PRELID2: variants seen among roughly 807,000 people sequenced by gnomAD.
The protein encoded by PRELID2 is PRELI domain containing 2.
A neutral mutation model predicts 28.4 loss-of-function variants in PRELID2; 25 were observed. The ratio of observed to expected loss-of-function variants is 0.88; its 90% CI spans 0.64 to 1.23. The LOEUF is 1.23. Ranked by LOEUF, PRELID2 falls within the 50% of genes most tolerant of loss-of-function variation. The pLI is 0.00. For missense variants in PRELID2, 201 were observed against 214.4 expected, an observed-to-expected ratio of 0.94 and a Z score of 0.39; for synonymous variants, 76 against 71.6, an observed-to-expected ratio of 1.06 and a Z score of -0.31.
chr5:145,337,258 G>T, the PRELID2 span, among the ~76,000 whole-genome samples: 1 of 151,718 alleles, frequency 6.6e-6, no homozygotes, highest in South Asian at 2.1e-4. Flanking sequence ...CAATAGAAAA[G>T]ATCATCAAAA....
In PRELID2 at chr5:145,580,284, A is replaced by G. The variant is rs560612294; in HGVS notation, n.71-106969T>C. Reference sequence around the variant, plus strand: ...ATAAAATGTTGTCAGAAGGAGAGTTATATGGTAAACAGAAGCCACCCCCTA... The same window carrying G: ...ATAAAATGTTGTCAGAAGGAGAGTTGTATGGTAAACAGAAGCCACCCCCTA... On this transcript the variant is annotated intron_variant and non_coding_transcript_variant, in intron 1 of 2. Coordinates refer to the PRELID2 transcript ENST00000510259. 1.7e-4 allele frequency among the ~76,000 whole-genome samples: 26 copies of G among 152,200 alleles called. 1 individual carries two copies. The South Asian group carries it at 5.2e-3, about 30-fold the overall frequency.
chr5:145,694,882 G>A lies in PRELID2; in HGVS notation n.70+70049C>T, dbSNP rs113726755. On this transcript the variant is annotated intron_variant and non_coding_transcript_variant, in intron 1 of 2. Coordinates refer to the PRELID2 transcript ENST00000510259. ...GAAGAGCCAGCTACAATGTTTAAAG[G>A]GTAGTCATGCTAAGCCTCAGTGAGT... 8.1e-3 allele frequency among the ~76,000 whole-genome samples: 1,233 copies of A among 152,006 alleles called. 14 individuals are homozygous for A. Among genetic ancestry groups the A allele is most frequent in the African/African-American group, 0.028 (1,170 of 41,462 alleles).
At chr5:145,623,704 G>T (rs1165471979) in intron 1 of PRELID2, among the ~76,000 whole-genome samples, 1 of 152,108 alleles carries the variant, frequency 6.6e-6, no homozygotes, top group East Asian at 1.9e-4. Context: ...GGAAAGCAAA[G>T]GTTATTCAGT....
intron 1 of PRELID2, among the ~76,000 whole-genome samples, chr5:145,480,873 C>A (rs1752152583): frequency 6.6e-6 from 1 of 152,140 alleles, no homozygotes; most frequent in Non-Finnish European, 1.5e-5. Context: ...TAAATGTCAA[C>A]TATATTATTT....
chr5:145,753,913 G>A (rs1428126733), downstream of PRELID2, among the ~76,000 whole-genome samples: 1 of 151,952 alleles, frequency 6.6e-6, no homozygotes, highest in East Asian at 1.9e-4. Flanking sequence ...CCATTCTTAG[G>A]ACTCTCCCTT....
Position 145,628,782 on chromosome 5 carries a change from A to G in PRELID2, n.70+136149T>C, listed in dbSNP as rs1359102589. Among the ~76,000 whole-genome samples, 7 of 152,340 alleles carry G rather than the reference A, an allele frequency of 4.6e-5. No homozygotes were observed. The East Asian group carries it at 1.4e-3, about 29-fold the overall frequency. The stretch of plus-strand genomic sequence containing the variant: ...AGAAAATGGAAATCAAAGACAAGAG[A>G]ACCATGATATAAATCCTGATCTGGC... On this transcript the variant is annotated intron_variant and non_coding_transcript_variant, in intron 1 of 2. Coordinates refer to the PRELID2 transcript ENST00000510259.
downstream of PRELID2, among the ~76,000 whole-genome samples, chr5:145,466,843 A>G (rs1031348653): frequency 6.6e-6 from 1 of 152,074 alleles, no homozygotes; most frequent in African/African-American, 2.4e-5. Flanking sequence ...GCCACACTCA[A>G]CCTAGAACAA....
At chr5:145,492,059 G>A (rs1015390657) in intron 1 of PRELID2, among the ~76,000 whole-genome samples, 1 of 152,144 alleles carries the variant, frequency 6.6e-6, no homozygotes, top group Admixed American at 6.6e-5. Flanking sequence ...TCCCAGTAGT[G>A]GAATTGCTGG....
rs545078008 is a variant in PRELID2, at chr5:145,693,565, T to G, written n.70+71366A>C. Among the ~76,000 whole-genome samples the G allele has an allele frequency of 3.3e-5, 5 of 152,228 alleles. No homozygotes were observed. In the South Asian group the frequency reaches 1.0e-3, roughly 32 times the overall value. On this transcript the variant is annotated intron_variant and non_coding_transcript_variant, in intron 1 of 2. Transcript: ENST00000510259. ...TAAAGGACCACTTGAGGCCAGGAATTTGAAACCAGCCTGGACAACATAGCA... is the reference window on the plus strand; with the variant it reads ...TAAAGGACCACTTGAGGCCAGGAATGTGAAACCAGCCTGGACAACATAGCA...
intron 1 of PRELID2, among the ~76,000 whole-genome samples, chr5:145,662,677 T>G (rs186807367): frequency 3.3e-4 from 50 of 152,134 alleles, no homozygotes; most frequent in African/African-American, 1.2e-3. Context: ...ATTGGTGGCT[T>G]TATGAGAAAA....
the PRELID2 span, among the ~76,000 whole-genome samples, chr5:145,352,207 C>A: frequency 6.6e-6 from 1 of 152,174 alleles, no homozygotes; most frequent in Non-Finnish European, 1.5e-5. Context: ...TTCTGCACTG[C>A]CCTAGCACAG....
chr5:145,551,999 C>T (rs1752840180), intron 1 of PRELID2, among the ~76,000 whole-genome samples: 2 of 152,132 alleles, frequency 1.3e-5, no homozygotes, highest in South Asian at 4.1e-4. Context: ...AACTGGAGAG[C>T]TCACTGAAAC....
At position 145,475,855 on chromosome 5, in the gene PRELID2, A is replaced by G. The variant is rs1303647429; in HGVS notation, n.71-2540T>C. Among the ~76,000 whole-genome samples, 5 of 152,330 alleles carry G rather than the reference A, an allele frequency of 3.3e-5. No individual in the cohort carries two copies. In the East Asian group the frequency reaches 9.6e-4, roughly 29 times the overall value. On this transcript the variant is annotated intron_variant and non_coding_transcript_variant, in intron 1 of 2. Coordinates refer to the PRELID2 transcript ENST00000510259. ...CTGTTCATACGTTAATAGGTGAATA[A>G]TATTTATAAAATATTTTCCCATGTG...
chr5:145,398,011 A>G, the PRELID2 span, among the ~76,000 whole-genome samples: 3 of 152,142 alleles, frequency 2.0e-5, no homozygotes, highest in Admixed American at 2.0e-4. Context: ...CAAAGGGGCT[A>G]GAGTTTGAAA....
the PRELID2 span, among the ~76,000 whole-genome samples, chr5:145,393,445 A>G: frequency 2.0e-5 from 3 of 152,234 alleles, no homozygotes; most frequent in Non-Finnish European, 2.9e-5. Context: ...TGAGCAAAGA[A>G]TGATTCAAGC....
intron 1 of PRELID2, among the ~76,000 whole-genome samples, chr5:145,616,841 G>A (rs569928667): frequency 6.6e-6 from 1 of 152,232 alleles, no homozygotes; most frequent in Non-Finnish European, 1.5e-5. Flanking sequence ...TTATTAGGTG[G>A]GAATTTCCTC....
the PRELID2 span, among the ~76,000 whole-genome samples, chr5:145,368,106 A>G: frequency 6.6e-6 from 1 of 151,918 alleles, no homozygotes; most frequent in East Asian, 1.9e-4. Context: ...ATTTGTTTAT[A>G]TATTTATTGC....
At chr5:145,719,679 C>A (rs1755936048) in intron 1 of PRELID2, among the ~76,000 whole-genome samples, 1 of 151,836 alleles carries the variant, frequency 6.6e-6, no homozygotes, top group Non-Finnish European at 1.5e-5. Flanking sequence ...AAAATAAAGA[C>A]TGAAAAAGAA....
the PRELID2 span, among the ~76,000 whole-genome samples, chr5:145,440,573 A>G: frequency 3.9e-5 from 6 of 152,222 alleles, no homozygotes; most frequent in African/African-American, 1.4e-4. Flanking sequence ...GGGCTGAGGA[A>G]AATGTTGTTT....
Sources: gnomAD v4.1 joint callset for allele counts (sites outside exome capture counted in the v4.1 genomes callset) on GRCh38, gnomAD v4.1.1 for gene constraint, MANE v1.5 for transcripts, NCBI Gene and HGNC (gene_info 2026-07-23, HGNC 2026-07-21) for gene names.